The following CCM2L variants were observed in gnomAD, a reference collection of about 807,000 sequenced individuals.
CCM2L encodes the protein CCM2 like scaffold protein.
Under a neutral mutation model 54.1 loss-of-function variants are expected in CCM2L, and 36 were observed. That is an observed-to-expected ratio of 0.67 (90% confidence interval 0.51 to 0.88). The LOEUF (loss-of-function observed/expected upper bound fraction) is 0.88, where lower values mean the gene tolerates loss of function less well. CCM2L is among the 40% of genes least tolerant of loss of function. The pLI, the probability that CCM2L is intolerant of heterozygous loss-of-function variation, is 0.00. For synonymous variants in CCM2L, 351 were observed against 359.3 expected (o/e 0.98, Z 0.26); for missense variants, 700 against 812.1 (o/e 0.86, Z 1.68).
rs768919643 is a variant in CCM2L at position 32,017,826 on chromosome 20, T to C, written c.225T>C (p.Thr75=). 1.2e-6 allele frequency: 2 copies of C among 1,614,014 alleles called. No individual in the cohort carries two copies. Among genetic ancestry groups the C allele is most frequent in the Admixed American group, 3.3e-5 (2 of 59,994 alleles). Reference sequence around the variant, plus strand: ...TCCTGGGCCACCTTACCTGGGTGACTTCCTCACTGAACCCCTCCAGTCGGG... The same window carrying C: ...TCCTGGGCCACCTTACCTGGGTGACCTCCTCACTGAACCCCTCCAGTCGGG... The part of the protein sequence containing the change: ...VKFLGHLTWV[T]SSLNPSSRDE... Residue 75 remains threonine, a synonymous_variant, in exon 3 of 10, where the codon ACT becomes ACC. Transcript: ENST00000452892.
At position 32,014,167 on chromosome 20, in the gene CCM2L, C is replaced by T. The variant is rs1349023444; in HGVS notation, c.31-737C>T. Among the ~76,000 whole-genome samples, 3 of 151,286 alleles carry T rather than the reference C, an allele frequency of 2.0e-5. No individual in the cohort carries two copies. The East Asian group carries it at 5.8e-4, about 29-fold the overall frequency. On this transcript the variant is annotated intron_variant, in intron 1 of 9. Coordinates refer to ENST00000452892, the MANE Select transcript of CCM2L (RefSeq NM_001365692.1). ...GAGAATAGCCTAAGAAATAGCTATG[C>T]ACCCACCACCACTCCACCACATTGA...
intron 5 of CCM2L, among the ~76,000 whole-genome samples, chr20:32,022,432 G>C (rs2064813229): frequency 6.6e-6 from 1 of 152,140 alleles, no homozygotes; most frequent in South Asian, 2.1e-4. Context: ...CAAATCTGGG[G>C]TACATTTTTC....
Position 32,029,766 on chromosome 20 carries a change from G to C in CCM2L, c.1330G>C (p.Gly444Arg). The change falls in exon 9 of 10, where the codon GGG (glycine) becomes CGG (arginine). Residue 444 changes from glycine to arginine, a missense_variant. Transcript: ENST00000452892. ...GATGCTGCTGCGGGAGTACCGGCTG[G>C]GGCTGCCCATCCAGGACTATTGCAC... ...FAMLLREYRL[G>R]LPIQDYCTGL... The C allele has an allele frequency of 6.2e-7, 1 of 1,613,610 alleles. No homozygotes were observed. The highest frequency in any genetic ancestry group is 8.5e-7 in the Non-Finnish European group (1 of 1,179,752).
chr20:32,025,209 C>A (rs1160283864), intron 6 of CCM2L, among the ~76,000 whole-genome samples: 1 of 117,278 alleles, frequency 8.5e-6, no homozygotes, highest in East Asian at 2.5e-4. Context: ...TTCTTTCTTT[C>A]TTTTTTCCTT....
At chr20:32,024,920 T>G (rs890659639) in intron 6 of CCM2L, among the ~76,000 whole-genome samples, 2 of 152,198 alleles carry the variant, frequency 1.3e-5, no homozygotes, top group Non-Finnish European at 2.9e-5. Flanking sequence ...TGATCAGAGA[T>G]CAGAAATGGT....
Position 32,017,838 on chromosome 20 carries a change from C to G in CCM2L, c.237C>G (p.Asn79Lys). Residue 79 changes from asparagine to lysine, a missense_variant, in exon 3 of 10, where the codon AAC becomes AAG. Physicochemically the swap from Asn to Lys is moderately conservative, Grantham distance 94. Coordinates refer to ENST00000452892, the MANE Select transcript of CCM2L (RefSeq NM_001365692.1). ...GHLTWVTSSLNPSSRDELLQL... is the reference protein window; with the variant it reads ...GHLTWVTSSLKPSSRDELLQL... ...TTACCTGGGTGACTTCCTCACTGAA[C>G]CCCTCCAGTCGGGACGAGCTCCTGC... 1 of 1,614,120 alleles carries G rather than the reference C, an allele frequency of 6.2e-7. No individual in the cohort carries two copies. Among genetic ancestry groups the G allele is most frequent in the Middle Eastern group, 1.6e-4 (1 of 6,062 alleles).
chr20:32,011,250 T>C (rs2064692535), intron 1 of CCM2L, among the ~76,000 whole-genome samples: 1 of 152,196 alleles, frequency 6.6e-6, no homozygotes, highest in Non-Finnish European at 1.5e-5. Context: ...TAGACATTTA[T>C]TGAGTGCCTA....
At chr20:32,018,763 G>C (rs1228367477) in intron 4 of CCM2L, among the ~76,000 whole-genome samples, 180 bp from the exon 5 acceptor site, 5 of 152,182 alleles carry the variant, frequency 3.3e-5, no homozygotes, top group African/African-American at 1.2e-4. Context: ...CTGAGGCCGG[G>C]GGCGGGCCCG....
At chr20:32,011,125 A>G (rs1206611757) in intron 1 of CCM2L, among the ~76,000 whole-genome samples, 1 of 63,196 alleles carries the variant, frequency 1.6e-5, no homozygotes, top group Non-Finnish European at 3.2e-5. Context: ...CCTCTACCCC[A>G]CCCCCACCAG....
chr20:32,023,129 G>C (rs757091322), intron 6 of CCM2L, among the ~76,000 whole-genome samples: 4 of 151,994 alleles, frequency 2.6e-5, no homozygotes, highest in Non-Finnish European at 5.9e-5. Context: ...ACCACACCCA[G>C]CTAATTTTTT....
intron 1 of CCM2L, 76 bp downstream of exon 1, chr20:32,010,560 T>TGGGGGCCACTGGGGGGGGGGGG: frequency 1.9e-5 from 2 of 105,750 alleles, no homozygotes; most frequent in East Asian, 1.7e-4. Context: ...TGGGGCGGGG[T>TGGGGGCCACTGGGGGGGGGGGG]GGGGGGTCGG....
At chr20:32,025,243 TTTC>T (rs1392897901) in intron 6 of CCM2L, among the ~76,000 whole-genome samples, 6 of 151,392 alleles carry the variant, frequency 4.0e-5, no homozygotes, top group Non-Finnish European at 8.8e-5. Flanking sequence ...TCTTTCTTTC[TTTC>T]TTTTTCTTTT....
chr20:32,027,343 T>C (rs1333380890), intron 7 of CCM2L, among the ~76,000 whole-genome samples: 1 of 152,276 alleles, frequency 6.6e-6, no homozygotes. Flanking sequence ...CAACCAGATA[T>C]CTACTGAAGA....
Position 32,018,435 on chromosome 20 carries a change from A to G in CCM2L, c.466+273A>G, listed in dbSNP as rs370063067. ...CCACTACACTGAGGCCAGGTGGTGG[A>G]GCACTAAGAGGGTGGAGAAGCCCAA... On this transcript the variant is annotated intron_variant, in intron 4 of 9. Transcript: ENST00000452892. Among the ~76,000 whole-genome samples, 20 of 151,866 alleles carry G rather than the reference A, an allele frequency of 1.3e-4. 1 individual carries two copies. Among genetic ancestry groups the G allele is most frequent in the African/African-American group, 4.6e-4 (19 of 41,366 alleles).
chr20:32,019,358 C>A lies in CCM2L; in HGVS notation c.882C>A (p.Asp294Glu). Residue 294 changes from aspartate to glutamate, a missense_variant, in exon 5 of 10, where the codon GAC becomes GAA. Physicochemically the swap from Asp to Glu is conservative, Grantham distance 45. Transcript: ENST00000452892. ...GCCCCAACCCGCTCGACCCGCAGGA[C>A]CCCAGCCCCGACGCCTACTGCAACC... ...HPGPNPLDPQ[D>E]PSPDAYCNLV... 6.6e-7 allele frequency: 1 copy of A among 1,512,060 alleles called. No homozygotes were observed. Among genetic ancestry groups the A allele is most frequent in the Non-Finnish European group, 8.8e-7 (1 of 1,137,514 alleles). 93.7% of individuals were successfully genotyped at this position (1,512,060 alleles called of 1,614,324 possible). A position where few individuals can be genotyped will look rare whatever the true frequency, so the allele number is the denominator to read the frequency against.
At chr20:32,028,865 G>T in intron 7 of CCM2L, 130 bp from the exon 8 acceptor site, 1 of 1,182,638 alleles carries the variant, frequency 8.5e-7, no homozygotes, top group Non-Finnish European at 1.2e-6. Context: ...CTTGAGAGGT[G>T]CCAGGGGCCA....
At chr20:32,019,471 A>ACC in intron 5 of CCM2L, 62 bp downstream of exon 5, 1 of 906,336 alleles carries the variant, frequency 1.1e-6, no homozygotes, top group South Asian at 2.7e-5. Flanking sequence ...CCCCGCCCCC[A>ACC]CCTTGCCCCC....
In CCM2L at chr20:32,019,133, C is replaced by T. The variant is rs775248451; in HGVS notation, c.657C>T (p.Gly219=). 7 of 1,137,714 alleles carry T rather than the reference C, an allele frequency of 6.2e-6. No homozygotes were observed. The highest frequency in any genetic ancestry group is 6.5e-6 in the Non-Finnish European group (6 of 925,054). 70.5% of individuals were successfully genotyped at this position (1,137,714 alleles called of 1,614,324 possible). Residue 219 remains glycine, a synonymous_variant, in exon 5 of 10, where the codon GGC becomes GGT. Coordinates refer to ENST00000452892, the MANE Select transcript of CCM2L (RefSeq NM_001365692.1). ...GGAAEARAGG[G]GGGSLERQRA... is the part of the protein sequence containing the mutation. ...CCGCGGAGGCCCGGGCCGGGGGAGGCGGCGGCGGCAGCTTGGAGCGCCAGC... is the reference window on the plus strand; with the variant it reads ...CCGCGGAGGCCCGGGCCGGGGGAGGTGGCGGCGGCAGCTTGGAGCGCCAGC...
rs753873011 is a variant in CCM2L at position 32,025,853 on chromosome 20, C to T, written c.1070-3C>T. On this transcript the variant is annotated splice_region_variant and splice_polypyrimidine_tract_variant and intron_variant, in intron 6 of 9. Coordinates refer to ENST00000452892, the MANE Select transcript of CCM2L (RefSeq NM_001365692.1). ...TGACAGTCCCTCTGTCTGCTGGTCC[C>T]AGGTGAGAGCTGCCACACAGATGGG... 1.2e-5 allele frequency: 16 copies of T among 1,303,866 alleles called. No homozygotes were observed. The South Asian group carries it at 2.0e-4, about 16-fold the overall frequency. 80.8% of individuals were successfully genotyped at this position (1,303,866 alleles called of 1,614,324 possible).
Sources: gnomAD v4.1 joint callset for allele counts (sites outside exome capture counted in the v4.1 genomes callset) on GRCh38, gnomAD v4.1.1 for gene constraint, MANE v1.5 for transcripts, NCBI Gene and HGNC (gene_info 2026-07-23, HGNC 2026-07-21) for gene names.